SH3RF2: variants seen among roughly 807,000 people sequenced by gnomAD.
SH3RF2 encodes the protein SH3 domain containing ring finger 2.
In SH3RF2, 43 loss-of-function variants were observed where a neutral mutation model predicts 59.0. The ratio of observed to expected loss-of-function variants is 0.73; its 90% CI spans 0.57 to 0.94. SH3RF2 has a LOEUF of 0.94. SH3RF2 is among the 40% of genes least tolerant of loss of function. The pLI is 0.00. For synonymous variants in SH3RF2, 391 were observed against 391.5 expected, an observed-to-expected ratio of 1.00 and a Z score of 0.01; for missense variants, 930 against 940.1, an observed-to-expected ratio of 0.99 and a Z score of 0.14.
chr5:145,952,738 T>C (rs1229880455), intron 2 of SH3RF2, among the ~76,000 whole-genome samples: 1 of 152,116 alleles, frequency 6.6e-6, no homozygotes, highest in Non-Finnish European at 1.5e-5. Context: ...GCTTATAGAT[T>C]ATCTGGGAGG....
At chr5:146,077,471 C>G (rs1256776873) in intron 9 of SH3RF2, among the ~76,000 whole-genome samples, 2 of 152,176 alleles carry the variant, frequency 1.3e-5, no homozygotes, top group Non-Finnish European at 2.9e-5. Context: ...TGTAAACTCT[C>G]CCACTAGGTT....
chr5:146,048,962 A>G (rs1762396645), intron 6 of SH3RF2, 113 bp from the exon 7 acceptor site: 1 of 1,297,064 alleles, frequency 7.7e-7, no homozygotes, highest in Non-Finnish European at 1.1e-6. Context: ...CGCTCGACCA[A>G]GAAGGTTCTT....
chr5:145,954,548 T>C (rs1364456889), intron 2 of SH3RF2, among the ~76,000 whole-genome samples: 1 of 152,252 alleles, frequency 6.6e-6, no homozygotes, highest in Non-Finnish European at 1.5e-5. Context: ...CAGAAGCTCT[T>C]AAGTTTAATT....
At position 146,056,041 on chromosome 5, in the gene SH3RF2, C is replaced by T. The variant is rs754251559; in HGVS notation, c.1383C>T (p.Ser461=). 2.5e-6 allele frequency: 4 copies of T among 1,614,198 alleles called. No homozygotes were observed. The highest frequency in any genetic ancestry group is 3.4e-6 in the Non-Finnish European group (4 of 1,180,038). Residue 461 remains serine (S), a synonymous_variant, in exon 8 of 10, where the codon TCC becomes TCT. Transcript: ENST00000359120. The part of the protein sequence containing the change: ...SPGLYTTWTL[S]TSSVSSQGSI... The stretch of plus-strand genomic sequence containing the variant: ...GTCTCTACACCACATGGACGTTATC[C>T]ACCTCCTCTGTGTCCTCCCAAGGCA...
chr5:145,993,129 G>C (rs558021415), intron 2 of SH3RF2, among the ~76,000 whole-genome samples: 1 of 152,058 alleles, frequency 6.6e-6, no homozygotes, highest in African/African-American at 2.4e-5. Context: ...AATCAAGTGG[G>C]GCAGTCAAAT....
Position 145,938,257 on chromosome 5 carries a change from A to C in SH3RF2, c.329A>C (p.Gln110Pro). The C allele has an allele frequency of 6.2e-7, 1 of 1,600,298 alleles. No homozygotes were observed. The highest frequency in any genetic ancestry group is 8.5e-7 in the Non-Finnish European group (1 of 1,176,004). Residue 110 changes from glutamine to proline, a missense_variant, in exon 2 of 10, where the codon CAG (glutamine) becomes CCG (proline). Gln to Pro is a moderately conservative substitution (Grantham distance 76). Coordinates refer to ENST00000359120, the MANE Select transcript of SH3RF2 (RefSeq NM_152550.4). ...AGCAGGACCAACCCCAGACGTCTGC[A>C]GGCCAGTCCTTTCCGGCTAGTGCCT... ...RKSRTNPRRL[Q>P]ASPFRLVPNV... is the part of the protein sequence containing the mutation.
rs1561753484 is a variant in SH3RF2 at position 146,033,451 on chromosome 5, C to CCTTTT, written c.1060-14321_1060-14320insCTTTT. Among the ~76,000 whole-genome samples the CCTTTT allele has an allele frequency of 7.0e-5, 5 of 71,856 alleles. 1 individual carries two copies. The highest frequency in any genetic ancestry group is 1.9e-4 in the African/African-American group (2 of 10,386). The allele number at this position is 71,856 out of a possible 152,430, so 47.1% of individuals were successfully genotyped here. A position where few individuals can be genotyped will look rare whatever the true frequency, so the allele number is the denominator to read the frequency against. On this transcript the variant is annotated intron_variant, in intron 5 of 9. Transcript: ENST00000359120. ...AAAATCTATGAGCACTAGCCCTTAG[C>CCTTTT]TTTTTTTTTTTTTTTTTTTTTTTTT...
chr5:146,005,191 T>C (rs1760594150), intron 4 of SH3RF2, among the ~76,000 whole-genome samples: 1 of 152,162 alleles, frequency 6.6e-6, no homozygotes, highest in Non-Finnish European at 1.5e-5. Context: ...GAAAACATGC[T>C]AGGCTATGTA....
downstream of SH3RF2, among the ~76,000 whole-genome samples, chr5:146,063,468 T>G (rs1332028715): frequency 6.6e-6 from 1 of 152,268 alleles, no homozygotes; most frequent in Non-Finnish European, 1.5e-5. Flanking sequence ...GGACAATTAA[T>G]TCATCCTGGC....
At chr5:146,058,138 G>A (rs545141075) in intron 8 of SH3RF2, among the ~76,000 whole-genome samples, 1 of 151,950 alleles carries the variant, frequency 6.6e-6, no homozygotes, top group African/African-American at 2.4e-5. Context: ...ATGGAGCCTC[G>A]ACTGCTTGCA....
At chr5:145,938,514 A>G (rs1365887158) in intron 2 of SH3RF2, among the ~76,000 whole-genome samples, 1 of 152,252 alleles carries the variant, frequency 6.6e-6, no homozygotes, top group Non-Finnish European at 1.5e-5. Flanking sequence ...CTTTAGAACT[A>G]TTAAAGCTTC....
At chr5:146,012,616 T>A (rs1222158149) in intron 4 of SH3RF2, among the ~76,000 whole-genome samples, 6 of 152,178 alleles carry the variant, frequency 3.9e-5, no homozygotes, top group African/African-American at 1.2e-4. Context: ...TAGAATGAGA[T>A]ACGGTTTTAG....
chr5:145,971,451 G>A (rs183207462), intron 2 of SH3RF2, among the ~76,000 whole-genome samples: 46 of 152,280 alleles, frequency 3.0e-4, no homozygotes, highest in Admixed American at 2.7e-3. Flanking sequence ...GGCTCTGTAC[G>A]GTGTCAGGAT....
At chr5:145,964,608 G>C (rs1453238808) in intron 2 of SH3RF2, among the ~76,000 whole-genome samples, 1 of 152,180 alleles carries the variant, frequency 6.6e-6, no homozygotes, top group Middle Eastern at 3.4e-3. Flanking sequence ...TGCTCGGCCA[G>C]TTTTGGTTTT....
intron 2 of SH3RF2, among the ~76,000 whole-genome samples, chr5:145,956,376 A>G (rs974212138): frequency 2.0e-5 from 3 of 152,160 alleles, no homozygotes; most frequent in Admixed American, 6.5e-5. Context: ...CCCAGGTTCA[A>G]GCAATTCTCC....
intron 2 of SH3RF2, among the ~76,000 whole-genome samples, chr5:145,965,153 AC>A (rs1346812428): frequency 6.6e-6 from 1 of 152,102 alleles, no homozygotes; most frequent in Non-Finnish European, 1.5e-5. Flanking sequence ...AGATCGCGCC[AC>A]TGCACTCCAG....
intron 5 of SH3RF2, among the ~76,000 whole-genome samples, chr5:146,022,204 C>T (rs1017525297): frequency 6.6e-6 from 1 of 152,130 alleles, no homozygotes; most frequent in African/African-American, 2.4e-5. Flanking sequence ...CTCCCCTCTT[C>T]GGTTATTTTA....
Position 145,938,043 on chromosome 5 carries a change from A to G in SH3RF2, c.115A>G (p.Arg39Gly). The G allele has an allele frequency of 6.2e-7, 1 of 1,614,184 alleles. No homozygotes were observed. The highest frequency in any genetic ancestry group is 1.7e-5 in the Admixed American group (1 of 60,030). The change falls in exon 2 of 10, where the codon AGG (arginine) becomes GGG (glycine). Residue 39 changes from arginine (R) to glycine (G), a missense_variant. Coordinates refer to ENST00000359120, the MANE Select transcript of SH3RF2 (RefSeq NM_152550.4). ...CACCTTCTGCAAACCATGTCTACAG[A>G]GGGTTTTCAAGGCCCACAAAGAGCT... is the stretch of plus-strand genomic sequence containing the variant. ...QHTFCKPCLQ[R>G]VFKAHKELRC...
intron 2 of SH3RF2, among the ~76,000 whole-genome samples, chr5:145,944,808 C>T (rs1164714951): frequency 6.6e-6 from 1 of 152,100 alleles, no homozygotes; most frequent in Non-Finnish European, 1.5e-5. Flanking sequence ...GTCCATGGAA[C>T]AAAATTTGAG....
Sources: gnomAD v4.1 joint callset for allele counts (sites outside exome capture counted in the v4.1 genomes callset) on GRCh38, gnomAD v4.1.1 for gene constraint, MANE v1.5 for transcripts, NCBI Gene and HGNC (gene_info 2026-07-23, HGNC 2026-07-21) for gene names.